Variants in TIAM2 observed in about 807,000 individuals in gnomAD.
TIAM2 encodes the protein rho guanine nucleotide exchange factor TIAM2.
A neutral mutation model predicts 152.9 loss-of-function variants in TIAM2; 80 were observed. That is an observed-to-expected ratio of 0.52 (90% CI 0.44 to 0.63). The LOEUF is 0.63. Among genes scored for constraint, TIAM2 ranks in the 30% least tolerant of loss-of-function variants. TIAM2 has a pLI of 0.00. For missense variants in TIAM2, 1,965 were observed against 2,120.1 expected (o/e 0.93, Z 1.44); for synonymous variants, 804 against 838.0 (o/e 0.96, Z 0.70).
In TIAM2 at chr6:155,027,583, CTG is replaced by C. The variant is rs1206738924; in HGVS notation, c.-209+32095_-209+32096del. On this transcript the variant is annotated intron_variant, in intron 1 of 26. Transcript: ENST00000682666. ...ATATATACTATATATAATATATGTACTGTGTTACATATATACTATATATAATA... is the reference window on the plus strand; with the variant it reads ...ATATATACTATATATAATATATGTACTGTTACATATATACTATATATAATA... Among the ~76,000 whole-genome samples, 53 of 88,698 alleles carry C rather than the reference CTG, an allele frequency of 6.0e-4. 5 individuals are homozygous for C. The highest frequency in any genetic ancestry group is 1.0e-3 in the Non-Finnish European group (49 of 47,394). 58.2% of individuals were successfully genotyped at this position (88,698 alleles called of 152,430 possible). A position where few individuals can be genotyped will look rare whatever the true frequency, so the allele number is the denominator to read the frequency against.
At chr6:155,087,283 T>C (rs10499305) in intron 1 of TIAM2, among the ~76,000 whole-genome samples, 10,283 of 152,326 alleles carry the variant, frequency 0.068, 470 homozygotes, top group Middle Eastern at 0.14. Context: ...ATTATTATCA[T>C]TGGAAACATT....
intron 1 of TIAM2, among the ~76,000 whole-genome samples, chr6:155,040,074 A>G (rs950634876): frequency 3.9e-5 from 6 of 152,200 alleles, no homozygotes; most frequent in Non-Finnish European, 7.3e-5. Context: ...AGACTGTTAC[A>G]TTATGAAGTT....
chr6:155,116,015 C>T lies in TIAM2; in HGVS notation c.-117-11475C>T, dbSNP rs554258404. On this transcript the variant is annotated intron_variant, in intron 2 of 26. Transcript: ENST00000682666. ...TAATCCCAGAGGCTAAGGCCTGAGA[C>T]TTGCTTGAACCTGGCAGGCAGAGGT... Among the ~76,000 whole-genome samples, 5 of 152,286 alleles carry T rather than the reference C, an allele frequency of 3.3e-5. No homozygotes were observed. The East Asian group carries it at 9.7e-4, about 29-fold the overall frequency.
chr6:155,156,470 T>C lies in TIAM2; in HGVS notation c.2029-7945T>C, dbSNP rs1374669685. Among the ~76,000 whole-genome samples, 1 of 151,956 alleles carries C rather than the reference T, an allele frequency of 6.6e-6. No individual in the cohort carries two copies. The highest frequency in any genetic ancestry group is 1.5e-5 in the Non-Finnish European group (1 of 67,988). On this transcript the variant is annotated intron_variant, in intron 7 of 26. Transcript: ENST00000682666. The surrounding 1 kb of genome is among the most constrained non-coding windows in gnomAD (Gnocchi z 4.4). ...AGGAGTTCAAGACTAGCCTGGCCAA[T>C]GTGGTGAAACCCCGTCTCTACTAAA... is the stretch of plus-strand genomic sequence containing the variant.
At chr6:155,015,199 G>C (rs1224750370) in intron 1 of TIAM2, among the ~76,000 whole-genome samples, 25 of 151,910 alleles carry the variant, frequency 1.6e-4, no homozygotes, top group Admixed American at 1.6e-3. Context: ...CATAGGGAGG[G>C]GTAAAAAATG....
At chr6:155,215,042 T>A (rs573117579) in intron 15 of TIAM2, among the ~76,000 whole-genome samples, 41 of 152,292 alleles carry the variant, frequency 2.7e-4, no homozygotes, top group African/African-American at 9.6e-4. Flanking sequence ...TGGCACAGGA[T>A]GGTAGCTTGG....
At chr6:155,187,174 A>G (rs1401017982) in intron 14 of TIAM2, among the ~76,000 whole-genome samples, 1 of 152,176 alleles carries the variant, frequency 6.6e-6, no homozygotes, top group Non-Finnish European at 1.5e-5. Flanking sequence ...AACAAGCTAC[A>G]CAGAGTTCAG....
chr6:155,070,278 T>C (rs1777812312), intron 1 of TIAM2, among the ~76,000 whole-genome samples: 1 of 124,914 alleles, frequency 8.0e-6, no homozygotes, highest in South Asian at 2.8e-4. Context: ...TGGAGTACAG[T>C]GGGGCGATCT....
intron 14 of TIAM2, among the ~76,000 whole-genome samples, chr6:155,196,408 T>C (rs756530525): frequency 6.6e-6 from 1 of 152,102 alleles, no homozygotes; most frequent in Non-Finnish European, 1.5e-5. Flanking sequence ...TAAAATTCCA[T>C]AAGAGGTATC....
chr6:155,150,627 A>C (rs1779931238), intron 7 of TIAM2, among the ~76,000 whole-genome samples: 1 of 152,140 alleles, frequency 6.6e-6, no homozygotes, highest in South Asian at 2.1e-4. Flanking sequence ...TCTGGAACAA[A>C]ATACTGTAAA....
At chr6:154,997,835 G>A (rs980559777) in intron 1 of TIAM2, among the ~76,000 whole-genome samples, 3 of 151,476 alleles carry the variant, frequency 2.0e-5, no homozygotes, top group Admixed American at 6.6e-5. Context: ...AGGGGGTTTC[G>A]CCATGTTGCC....
intron 10 of TIAM2, among the ~76,000 whole-genome samples, chr6:155,178,341 T>C (rs1044628433): frequency 6.6e-6 from 1 of 152,094 alleles, no homozygotes; most frequent in Non-Finnish European, 1.5e-5. Context: ...AGTCTGTAGA[T>C]TTGTTAACAT....
intron 1 of TIAM2, among the ~76,000 whole-genome samples, chr6:155,032,013 C>A (rs35996351): frequency 0.18 from 27,379 of 152,026 alleles, 2,579 homozygotes; most frequent in Middle Eastern, 0.28. Context: ...TTTACAGTTC[C>A]TGTAAGTACT....
intron 7 of TIAM2, among the ~76,000 whole-genome samples, chr6:155,160,496 C>T (rs548232115): frequency 8.5e-5 from 13 of 152,264 alleles, no homozygotes; most frequent in African/African-American, 1.7e-4. Flanking sequence ...CTGGTCACCC[C>T]GTGGCCCAAT....
intron 2 of TIAM2, among the ~76,000 whole-genome samples, chr6:155,096,419 C>T (rs1322730400): frequency 6.6e-6 from 1 of 152,158 alleles, no homozygotes; most frequent in Non-Finnish European, 1.5e-5. Context: ...AAACTAGAGT[C>T]ACTCTACTGA....
rs74648565 is a variant in TIAM2, at chr6:155,116,636, T to G, written c.-117-10854T>G. Among the ~76,000 whole-genome samples, 370 of 152,314 alleles carry G rather than the reference T, an allele frequency of 2.4e-3. 1 individual carries two copies. Among genetic ancestry groups the G allele is most frequent in the African/African-American group, 8.4e-3 (351 of 41,564 alleles). ...TTAGGAGGACGGTATCTGCTTCTGATGTACTGAAGCTCGGGCCTTTTACAT... is the reference window on the plus strand; with the variant it reads ...TTAGGAGGACGGTATCTGCTTCTGAGGTACTGAAGCTCGGGCCTTTTACAT... On this transcript the variant is annotated intron_variant, in intron 2 of 26. Transcript: ENST00000682666.
rs76161143 is a variant in TIAM2 at position 155,183,491 on chromosome 6, A to G, written c.3055A>G (p.Thr1019Ala). 1 of 1,612,612 alleles carries G rather than the reference A, an allele frequency of 6.2e-7. No homozygotes were observed. Among genetic ancestry groups the G allele is most frequent in the African/African-American group, 1.3e-5 (1 of 75,002 alleles). Residue 1019 changes from threonine to alanine, a missense_variant, in exon 14 of 27, where the codon ACA becomes GCA. Transcript: ENST00000682666. ...EEFLDNFKKN[T>A]ANDFSNVPDI... ...ATTCCTGGATAACTTTAAAAAGAAT[A>G]CAGCCAATGGTAAGGCTTTGTTCTG... is the stretch of plus-strand genomic sequence containing the variant.
intron 1 of TIAM2, among the ~76,000 whole-genome samples, chr6:155,066,701 C>G (rs999801214): frequency 3.9e-5 from 6 of 151,930 alleles, no homozygotes; most frequent in African/African-American, 1.5e-4. Flanking sequence ...TTTGGCATAC[C>G]TTCCTGATAG....
Position 155,248,161 on chromosome 6 carries a change from G to A in TIAM2, c.3814G>A (p.Glu1272Lys), listed in dbSNP as rs370206661. ...GTCCCTGACGGACCAGGAGAGCGAG[G>A]AGCACTACCACCTGACGGGTGAGGC... ...LVSLTDQESE[E>K]HYHLTEALKA... The change falls in exon 20 of 27, where the codon GAG becomes AAG. Residue 1272 changes from glutamate (E) to lysine (K), a missense_variant. This residue lies in a region of TIAM2 where 935 missense variants were observed against 980.0 expected (regional missense o/e 0.95). Coordinates refer to ENST00000682666, the MANE Select transcript of TIAM2 (RefSeq NM_012454.4). 33 of 1,613,750 alleles carry A rather than the reference G, an allele frequency of 2.0e-5. No individual in the cohort carries two copies. Among genetic ancestry groups the A allele is most frequent in the African/African-American group, 4.0e-5 (3 of 74,942 alleles).
Sources: allele counts gnomAD v4.1 joint callset (sites outside exome capture counted in the v4.1 genomes callset), GRCh38; gene constraint gnomAD v4.1.1; regional missense constraint gnomAD v4.1.1; non-coding constraint Gnocchi (gnomAD v3.1); transcripts MANE v1.5; gene names NCBI Gene and HGNC (gene_info 2026-07-23, HGNC 2026-07-21).